The following PCSK1 variants were observed in gnomAD, a reference collection of about 807,000 sequenced individuals.
The protein encoded by PCSK1 is neuroendocrine convertase 1.
Under a neutral mutation model 90.6 loss-of-function variants are expected in PCSK1, and 56 were observed. The observed-to-expected ratio is 0.62, with a 90% CI of 0.50 to 0.77. The LOEUF is 0.77. Ranked by LOEUF, PCSK1 falls within the 30% of genes least tolerant of loss-of-function variation. PCSK1 has a pLI of 0.00. For synonymous variants in PCSK1, 348 were observed against 342.4 expected, an observed-to-expected ratio of 1.02 and a Z score of -0.18; for missense variants, 801 against 932.6, an observed-to-expected ratio of 0.86 and a Z score of 1.84.
intron 9 of PCSK1, among the ~76,000 whole-genome samples, chr5:96,400,539 G>A (rs922134301): frequency 1.3e-5 from 2 of 152,082 alleles, no homozygotes; most frequent in Non-Finnish European, 2.9e-5. Context: ...CTTTCTTTAT[G>A]CCCTCCAGTC....
intron 1 of PCSK1, among the ~76,000 whole-genome samples, chr5:96,431,385 C>G (rs1323814054): frequency 6.6e-6 from 1 of 152,204 alleles, no homozygotes; most frequent in Admixed American, 6.5e-5. Flanking sequence ...TCACCCCTCC[C>G]GAATTCCCTA....
At chr5:96,399,845 C>T (rs1760290097) in intron 10 of PCSK1, 108 bp downstream of exon 10, 2 of 829,780 alleles carry the variant, frequency 2.4e-6, no homozygotes, top group Non-Finnish European at 2.0e-6. Flanking sequence ...AATTCCACCT[C>T]CATCTACTTC....
chr5:96,419,918 G>A (rs1349583235), intron 5 of PCSK1, among the ~76,000 whole-genome samples: 3 of 151,798 alleles, frequency 2.0e-5, no homozygotes, highest in African/African-American at 4.8e-5. Context: ...TCAAGAATTC[G>A]CCCACTATGC....
At chr5:96,420,992 C>G (rs1561374015) in intron 5 of PCSK1, among the ~76,000 whole-genome samples, 1 of 152,216 alleles carries the variant, frequency 6.6e-6, no homozygotes, top group Non-Finnish European at 1.5e-5. Context: ...TGGTGCAAGT[C>G]TCTTCTGTGT....
chr5:96,421,154 G>A (rs909117738), intron 5 of PCSK1, among the ~76,000 whole-genome samples: 2 of 152,240 alleles, frequency 1.3e-5, no homozygotes, highest in Non-Finnish European at 2.9e-5. Context: ...GAAGTTGAAA[G>A]TCTCTTGCCT....
rs116175332 is a variant in PCSK1, at chr5:96,411,626, A to G, written c.883-640T>C. Among the ~76,000 whole-genome samples the G allele has an allele frequency of 3.8e-3, 572 of 152,338 alleles. 1 individual carries two copies. The highest frequency in any genetic ancestry group is 0.017 in the Middle Eastern group (5 of 294). On this transcript the variant is annotated intron_variant, in intron 7 of 13. Coordinates refer to ENST00000311106, the MANE Select transcript of PCSK1 (RefSeq NM_000439.5). ...GCAGAGCAGAAGGCAACACGTTTCTATATTTGAAAAGCATTTCCGCGCTTG... is the reference window on the plus strand; with the variant it reads ...GCAGAGCAGAAGGCAACACGTTTCTGTATTTGAAAAGCATTTCCGCGCTTG...
chr5:96,418,404 T>A (rs946414008), intron 5 of PCSK1, among the ~76,000 whole-genome samples: 1 of 152,196 alleles, frequency 6.6e-6, no homozygotes, highest in Non-Finnish European at 1.5e-5. Flanking sequence ...CCTTGTCACA[T>A]TTGTTATTTA....
Position 96,423,167 on chromosome 5 carries a change from G to T in PCSK1, c.543+146C>A, listed in dbSNP as rs77507274. Reference sequence around the variant, plus strand: ...ACAAAATAAATTCATATAAGCTAGTGGGAAGTGGGAGAAGGGACATAACCT... The same window carrying T: ...ACAAAATAAATTCATATAAGCTAGTTGGAAGTGGGAGAAGGGACATAACCT... On this transcript the variant is annotated intron_variant, in intron 4 of 13. Coordinates refer to ENST00000311106, the MANE Select transcript of PCSK1 (RefSeq NM_000439.5). 5,503 of 744,860 alleles carry T rather than the reference G, an allele frequency of 7.4e-3. 220 individuals carry two copies. The African/African-American group carries it at 0.085, about 12-fold the overall frequency. The allele number at this position is 744,860 out of a possible 1,614,324, so 46.1% of individuals were successfully genotyped here. A position where few individuals can be genotyped will look rare whatever the true frequency, so the allele number is the denominator to read the frequency against.
At chr5:96,393,470 G>T in intron 13 of PCSK1, 92 bp from the exon 14 acceptor site, 1 of 1,456,118 alleles carries the variant, frequency 6.9e-7, no homozygotes, top group Non-Finnish European at 9.5e-7. Flanking sequence ...AACGCTGCCT[G>T]CCGCTTGAGA....
At chr5:96,418,221 C>T (rs1392816117) in intron 5 of PCSK1, among the ~76,000 whole-genome samples, 2 of 152,144 alleles carry the variant, frequency 1.3e-5, no homozygotes, top group African/African-American at 4.8e-5. Flanking sequence ...AAAAGTGTTC[C>T]TATGTCATTC....
Position 96,393,271 on chromosome 5 carries a change from G to A in PCSK1, c.1992C>T (p.Ser664=), listed in dbSNP as rs1760015699. The A allele has an allele frequency of 2.5e-6, 4 of 1,613,958 alleles. No homozygotes were observed. Among genetic ancestry groups the A allele is most frequent in the Non-Finnish European group, 2.5e-6 (3 of 1,179,918 alleles). The change falls in exon 14 of 14, where the codon TCC becomes TCT. Residue 664 remains serine, a synonymous_variant. Coordinates refer to ENST00000311106, the MANE Select transcript of PCSK1 (RefSeq NM_000439.5). Reference sequence around the variant, plus strand: ...TTTGCAGGAGTCGCAGCATGGCCTGGGAAGGGGCTCCCTCCTCCAACTCAT... The same window carrying A: ...TTTGCAGGAGTCGCAGCATGGCCTGAGAAGGGGCTCCCTCCTCCAACTCAT... ...RRDELEEGAP[S]QAMLRLLQSA...
chr5:96,405,255 G>A (rs1401266895), intron 9 of PCSK1, among the ~76,000 whole-genome samples: 1 of 152,160 alleles, frequency 6.6e-6, no homozygotes, highest in African/African-American at 2.4e-5. Context: ...AAGCACCTGG[G>A]AGATCATAGA....
Position 96,419,312 on chromosome 5 carries a change from T to G in PCSK1, c.620+2568A>C, listed in dbSNP as rs908655328. 4.2e-5 allele frequency among the ~76,000 whole-genome samples: 6 copies of G among 142,540 alleles called. No homozygotes were observed. The East Asian group carries it at 5.9e-4, about 14-fold the overall frequency. 93.5% of individuals were successfully genotyped at this position (142,540 alleles called of 152,430 possible). Reference sequence around the variant, plus strand: ...ATATGTATATATATATTAAGTGAGATATATATATATATATAAAACCTCACT... The same window carrying G: ...ATATGTATATATATATTAAGTGAGAGATATATATATATATAAAACCTCACT... On this transcript the variant is annotated intron_variant, in intron 5 of 13. Coordinates refer to ENST00000311106, the MANE Select transcript of PCSK1 (RefSeq NM_000439.5).
In PCSK1 at chr5:96,399,049, A is replaced by G. The variant is rs777992881; in HGVS notation, c.1431-13T>C. The G allele has an allele frequency of 9.8e-5, 156 of 1,589,712 alleles. 1 individual carries two copies. Among genetic ancestry groups the G allele is most frequent in the Non-Finnish European group, 1.3e-4 (154 of 1,161,064 alleles). On this transcript the variant is annotated splice_polypyrimidine_tract_variant and intron_variant, in intron 10 of 13. Coordinates refer to ENST00000311106, the MANE Select transcript of PCSK1 (RefSeq NM_000439.5). ...AGCTTTCAGGGCTCTAAATACATTA[A>G]AGAATCAGCATTGAATAAAGTATAT...
chr5:96,405,740 C>CT (rs1231945424), intron 9 of PCSK1, among the ~76,000 whole-genome samples: 1 of 152,096 alleles, frequency 6.6e-6, no homozygotes, highest in African/African-American at 2.4e-5. Flanking sequence ...AAAAAGAAGC[C>CT]TTGAGGTTTT....
intron 9 of PCSK1, among the ~76,000 whole-genome samples, chr5:96,400,398 T>C (rs886081977): frequency 6.6e-6 from 1 of 152,246 alleles, no homozygotes; most frequent in Non-Finnish European, 1.5e-5. Flanking sequence ...ATATAAGTTA[T>C]GACTTCTCTC....
intron 6 of PCSK1, among the ~76,000 whole-genome samples, chr5:96,414,684 T>C (rs1320837034): frequency 6.6e-6 from 1 of 152,216 alleles, no homozygotes; most frequent in Non-Finnish European, 1.5e-5. Flanking sequence ...GCAGCTTGCT[T>C]CTGATTCTTT....
At chr5:96,418,107 G>A (rs550137059) in intron 5 of PCSK1, among the ~76,000 whole-genome samples, 27 of 152,266 alleles carry the variant, frequency 1.8e-4, no homozygotes, top group Admixed American at 3.9e-4. Context: ...GTATATGGAC[G>A]ACTATTCTCT....
intron 9 of PCSK1, among the ~76,000 whole-genome samples, chr5:96,400,893 T>C (rs576114257): frequency 2.1e-3 from 318 of 151,268 alleles, no homozygotes; most frequent in African/African-American, 7.3e-3. Flanking sequence ...CGAGACCATC[T>C]TGGCTAACAC....
Sources: allele counts gnomAD v4.1 joint callset (sites outside exome capture counted in the v4.1 genomes callset), GRCh38; gene constraint gnomAD v4.1.1; transcripts MANE v1.5; gene names NCBI Gene and HGNC (gene_info 2026-07-23, HGNC 2026-07-21).